The following CLVS1 variants were observed in gnomAD, a reference collection of about 807,000 sequenced individuals.
CLVS1 encodes the protein clavesin-1.
CLVS1 carries 10 observed loss-of-function variants against 33.1 expected under a neutral mutation model. The observed-to-expected ratio is 0.30, with a 90% confidence interval of 0.19 to 0.51. CLVS1 has a LOEUF of 0.51. CLVS1 is among the 20% of genes least tolerant of loss of function. CLVS1 has a pLI of 0.97. For synonymous variants in CLVS1, 163 were observed against 166.1 expected, an observed-to-expected ratio of 0.98 and a Z score of 0.14; for missense variants, 343 against 433.4, an observed-to-expected ratio of 0.79 and a Z score of 1.85.
intron 1 of CLVS1, among the ~76,000 whole-genome samples, chr8:61,117,955 TCCTCCTTGTA>T: frequency 6.6e-6 from 1 of 152,324 alleles, no homozygotes; most frequent in Non-Finnish European, 1.5e-5. Flanking sequence ...TGGTACCAGT[TCCTCCTTGTA>T]CCTCTGGTAG....
At chr8:61,296,190 G>C (rs1810202863) in intron 1 of CLVS1, among the ~76,000 whole-genome samples, 1 of 152,128 alleles carries the variant, frequency 6.6e-6, no homozygotes, top group African/African-American at 2.4e-5. Flanking sequence ...GCCTTTAATG[G>C]AAAATATCTA....
chr8:61,305,531 T>C (rs1403283472), intron 2 of CLVS1, among the ~76,000 whole-genome samples: 1 of 152,206 alleles, frequency 6.6e-6, no homozygotes. Context: ...CTGAATAATA[T>C]TTTGTTGTAT....
intron 3 of CLVS1, among the ~76,000 whole-genome samples, chr8:61,393,941 CAGGCAATGGA>C (rs1465286447): frequency 1.3e-5 from 2 of 152,194 alleles, no homozygotes; most frequent in African/African-American, 4.8e-5. Flanking sequence ...CAGGATGTTG[CAGGCAATGGA>C]ATTGCCTGCA....
At chr8:61,238,250 C>A (rs1808608626) in intron 2 of CLVS1, among the ~76,000 whole-genome samples, 1 of 151,350 alleles carries the variant, frequency 6.6e-6, no homozygotes, top group South Asian at 2.1e-4. Context: ...TTTGTTCCTT[C>A]CTTCCTTTCC....
chr8:61,252,868 T>A (rs956180468), intron 2 of CLVS1, among the ~76,000 whole-genome samples: 1 of 152,236 alleles, frequency 6.6e-6, no homozygotes, highest in African/African-American at 2.4e-5. Context: ...CTTGGCTCTT[T>A]ATCCAATTTG....
At chr8:61,395,408 G>C (rs978538904) in intron 3 of CLVS1, among the ~76,000 whole-genome samples, 2 of 152,178 alleles carry the variant, frequency 1.3e-5, no homozygotes, top group African/African-American at 4.8e-5. Context: ...GGTGAACACA[G>C]TTAATAATAA....
the CLVS1 span, among the ~76,000 whole-genome samples, chr8:61,011,191 AC>A: frequency 1.3e-5 from 2 of 152,170 alleles, no homozygotes; most frequent in African/African-American, 4.8e-5. Context: ...TCTTGAACCC[AC>A]GAGTTTGAGG....
chr8:61,447,993 C>A (rs548922387), intron 3 of CLVS1, among the ~76,000 whole-genome samples: 2 of 152,044 alleles, frequency 1.3e-5, no homozygotes, highest in African/African-American at 4.8e-5. Flanking sequence ...TTCTTGATTT[C>A]TCTTGATTCT....
intron 2 of CLVS1, among the ~76,000 whole-genome samples, chr8:61,185,643 C>T (rs76697624): frequency 0.037 from 5,628 of 152,092 alleles, 211 homozygotes; most frequent in South Asian, 0.15. Flanking sequence ...AGGAATTCTA[C>T]ACATTAGAAC....
At chr8:61,201,364 G>T (rs1807728521) in intron 2 of CLVS1, among the ~76,000 whole-genome samples, 2 of 152,132 alleles carry the variant, frequency 1.3e-5, no homozygotes, top group South Asian at 4.1e-4. Context: ...AAGGGGAAAT[G>T]CATTTCCCGA....
intron 1 of CLVS1, among the ~76,000 whole-genome samples, chr8:61,116,033 C>T (rs1464187216): frequency 6.9e-6 from 1 of 145,610 alleles, no homozygotes; most frequent in South Asian, 2.2e-4. Context: ...CTCTCCAGCA[C>T]CTGTTGTTTC....
At chr8:60,974,730 G>A in the CLVS1 span, among the ~76,000 whole-genome samples, 1 of 148,002 alleles carries the variant, frequency 6.8e-6, no homozygotes, top group Non-Finnish European at 1.5e-5. Flanking sequence ...AGTGAGCCGA[G>A]ATCACGCCAC....
intron 2 of CLVS1, among the ~76,000 whole-genome samples, chr8:61,214,133 A>C (rs748446644): frequency 6.6e-6 from 1 of 152,174 alleles, no homozygotes; most frequent in African/African-American, 2.4e-5. Context: ...TCTCCTGATA[A>C]GATGTTATCA....
chr8:60,983,221 A>G, the CLVS1 span, among the ~76,000 whole-genome samples: 1 of 152,202 alleles, frequency 6.6e-6, no homozygotes, highest in Non-Finnish European at 1.5e-5. Context: ...CATAAGCAAC[A>G]CTGGAATTCT....
chr8:61,273,236 T>A (rs1188109670), intron 2 of CLVS1, among the ~76,000 whole-genome samples: 3 of 151,830 alleles, frequency 2.0e-5, no homozygotes, highest in African/African-American at 7.3e-5. Context: ...GCAGGTCTGT[T>A]GGAATACCCT....
chr8:61,026,118 A>G, the CLVS1 span, among the ~76,000 whole-genome samples: 1 of 147,296 alleles, frequency 6.8e-6, no homozygotes, highest in East Asian at 2.1e-4. Context: ...CAGGGTCTTT[A>G]TAGAGGTACT....
chr8:60,969,342 G>A, the CLVS1 span, among the ~76,000 whole-genome samples: 165 of 152,278 alleles, frequency 1.1e-3, no homozygotes, highest in Middle Eastern at 3.4e-3. Context: ...TAAAAACCCT[G>A]TAGCCCTTAG....
intron 2 of CLVS1, among the ~76,000 whole-genome samples, chr8:61,281,336 T>G (rs897803693): frequency 6.6e-6 from 1 of 152,116 alleles, no homozygotes; most frequent in Admixed American, 6.5e-5. Context: ...GTGATGATAC[T>G]TGGAAATGGG....
chr8:61,016,755 G>A, the CLVS1 span, among the ~76,000 whole-genome samples: 1 of 152,194 alleles, frequency 6.6e-6, no homozygotes, highest in Admixed American at 6.5e-5. Flanking sequence ...AGTTTTCCGA[G>A]ACTCCCCAGA....
Sources: allele counts gnomAD v4.1 joint callset (sites outside exome capture counted in the v4.1 genomes callset), GRCh38; gene constraint gnomAD v4.1.1; transcripts MANE v1.5; gene names NCBI Gene and HGNC (gene_info 2026-07-23, HGNC 2026-07-21).